Variants in NIPAL3 observed in about 807,000 individuals in gnomAD.
NIPAL3 encodes NIPA like domain containing 3.
Under a neutral mutation model 47.2 loss-of-function variants are expected in NIPAL3, and 41 were observed. The ratio of observed to expected loss-of-function variants is 0.87; its 90% CI spans 0.68 to 1.13. The LOEUF is 1.13. Among genes scored for constraint, NIPAL3 ranks in the 50% most tolerant of loss-of-function variants. The pLI is 0.00. For missense variants in NIPAL3, 449 were observed against 530.1 expected (o/e 0.85, Z 1.50); for synonymous variants, 194 against 209.6 (o/e 0.93, Z 0.64).
chr1:24,463,294 T>A (rs1408665349), intron 10 of NIPAL3, among the ~76,000 whole-genome samples: 1 of 152,164 alleles, frequency 6.6e-6, no homozygotes, highest in Non-Finnish European at 1.5e-5. Context: ...CTTACATGAA[T>A]TAAAGAACAG....
chr1:24,434,084 T>G (rs1270061580), intron 2 of NIPAL3, among the ~76,000 whole-genome samples: 1 of 152,094 alleles, frequency 6.6e-6, no homozygotes, highest in Non-Finnish European at 1.5e-5. Context: ...ATGACAGAAG[T>G]CCTTTCTTAT....
chr1:24,441,431 G>A (rs1645376864), intron 3 of NIPAL3, among the ~76,000 whole-genome samples: 2 of 152,182 alleles, frequency 1.3e-5, no homozygotes, highest in Admixed American at 6.5e-5. Context: ...AAGTCAACAT[G>A]ACTTTCTAGC....
chr1:24,415,723 C>A (rs1268692788), upstream of NIPAL3: 2 of 507,660 alleles, frequency 3.9e-6, no homozygotes, highest in Non-Finnish European at 5.1e-6. Context: ...AAATGCCTGC[C>A]AACTTCTGAC....
At chr1:24,457,517 G>A (rs560059142) in intron 8 of NIPAL3, among the ~76,000 whole-genome samples, 9 of 152,324 alleles carry the variant, frequency 5.9e-5, no homozygotes, top group Admixed American at 3.9e-4. Context: ...CTGCTGGCCC[G>A]GTGTGAGCCC....
intron 6 of NIPAL3, among the ~76,000 whole-genome samples, chr1:24,450,545 C>T (rs1449758873): frequency 1.3e-5 from 2 of 152,146 alleles, no homozygotes; most frequent in Non-Finnish European, 2.9e-5. Flanking sequence ...GATAAAGCTA[C>T]TGGTACGTTC....
At chr1:24,452,407 G>T (rs770476497) in intron 6 of NIPAL3, among the ~76,000 whole-genome samples, 3 of 152,188 alleles carry the variant, frequency 2.0e-5, no homozygotes, top group Non-Finnish European at 4.4e-5. Context: ...TAGAGTTATT[G>T]TGCTGATTTA....
chr1:24,417,392 C>T (rs1644108894), intron 1 of NIPAL3, among the ~76,000 whole-genome samples: 1 of 152,198 alleles, frequency 6.6e-6, no homozygotes, highest in Non-Finnish European at 1.5e-5. Flanking sequence ...CCCTGAGCCA[C>T]TCTTAAGGCT....
rs891972321 is a variant in NIPAL3 at position 24,472,063 on chromosome 1, T to C, written c.*2878T>C. ...TTTAGGCTTGGGCCAGCCAGCTTTC[T>C]TGAGATGAGTGAATAAAAGCGTATT... On this transcript the variant is annotated 3_prime_UTR_variant, in exon 12 of 12. Transcript: ENST00000374399. 2 of 150,872 alleles carry C rather than the reference T, an allele frequency of 1.3e-5. No homozygotes were observed. The highest frequency in any genetic ancestry group is 2.4e-5 in the African/African-American group (1 of 41,050). 9.3% of individuals were successfully genotyped at this position (150,872 alleles called of 1,614,324 possible).
chr1:24,423,486 C>T (rs771722630), intron 2 of NIPAL3, among the ~76,000 whole-genome samples: 4 of 152,106 alleles, frequency 2.6e-5, no homozygotes, highest in Non-Finnish European at 4.4e-5. Flanking sequence ...AAAAATTAGC[C>T]GGGTGCGGTG....
At chr1:24,436,424 C>T (rs1166505095) in intron 2 of NIPAL3, among the ~76,000 whole-genome samples, 1 of 151,932 alleles carries the variant, frequency 6.6e-6, no homozygotes, top group Admixed American at 6.6e-5. Context: ...ATATGCCATT[C>T]CTGGGGTCCC....
chr1:24,434,840 A>G (rs1645027034), intron 2 of NIPAL3, among the ~76,000 whole-genome samples: 1 of 152,194 alleles, frequency 6.6e-6, no homozygotes, highest in Non-Finnish European at 1.5e-5. Context: ...CACGCTCCTA[A>G]ATAACCAACA....
In NIPAL3 at chr1:24,449,418, A is replaced by G; in HGVS notation, c.395-63A>G. 1 of 1,576,520 alleles carries G rather than the reference A, an allele frequency of 6.3e-7. No homozygotes were observed. Among genetic ancestry groups the G allele is most frequent in the South Asian group, 1.1e-5 (1 of 88,008 alleles). On this transcript the variant is annotated intron_variant, in intron 5 of 11. Transcript: ENST00000374399. The surrounding 1 kb of genome is among the most constrained non-coding windows in gnomAD (Gnocchi z 4.5). ...AGAAGCCTGTTTTTTCATGGCTGAG[A>G]ACGTGTACTGTATCTTGGGCCTGTT...
At position 24,472,290 on chromosome 1, in the gene NIPAL3, G is replaced by A. The variant is rs140587873; in HGVS notation, c.*3105G>A. 4 of 152,322 alleles carry A rather than the reference G, an allele frequency of 2.6e-5. No homozygotes were observed. In the East Asian group the frequency reaches 7.7e-4, roughly 29 times the overall value. The allele number at this position is 152,322 out of a possible 1,614,324, so 9.4% of individuals were successfully genotyped here. On this transcript the variant is annotated 3_prime_UTR_variant, in exon 12 of 12. Coordinates refer to ENST00000374399, the MANE Select transcript of NIPAL3 (RefSeq NM_020448.5). ...GTCACTTGAGTAGTCAGGAAGCACA[G>A]TGGGTGTGGAGCCATCATCTGTCTT...
At position 24,472,939 on chromosome 1, in the gene NIPAL3, A is replaced by ACC. The variant is rs969814035; in HGVS notation, c.*3754_*3755insCC. On this transcript the variant is annotated 3_prime_UTR_variant, in exon 12 of 12. Coordinates refer to ENST00000374399, the MANE Select transcript of NIPAL3 (RefSeq NM_020448.5). ...AAAAAAAGTACTAGGTGCAAATAAC[A>ACC]TTATGAAGTGGTATTTAATTAAAAA... 6.6e-6 allele frequency: 1 copy of ACC among 152,132 alleles called. No homozygotes were observed. The highest frequency in any genetic ancestry group is 1.5e-5 in the Non-Finnish European group (1 of 68,028). 9.4% of individuals were successfully genotyped at this position (152,132 alleles called of 1,614,324 possible).
chr1:24,421,194 T>C (rs1644313590), intron 2 of NIPAL3, among the ~76,000 whole-genome samples: 1 of 151,666 alleles, frequency 6.6e-6, no homozygotes, highest in South Asian at 2.1e-4. Flanking sequence ...GTAGGGCACC[T>C]ACCACACAAA....
At chr1:24,459,778 CA>C in intron 9 of NIPAL3, among the ~76,000 whole-genome samples, 1 of 152,322 alleles carries the variant, frequency 6.6e-6, no homozygotes, top group African/African-American at 2.4e-5. Context: ...AAGTCAGGGT[CA>C]AGAAGCTTGG....
intron 2 of NIPAL3, among the ~76,000 whole-genome samples, chr1:24,422,789 C>T (rs1644392250): frequency 6.6e-6 from 1 of 152,338 alleles, no homozygotes; most frequent in South Asian, 2.1e-4. Flanking sequence ...TTACTGTTCG[C>T]ATCCTTGGAG....
At chr1:24,452,853 A>ATTTTTTT (rs3054551) in intron 6 of NIPAL3, among the ~76,000 whole-genome samples, 9 of 124,218 alleles carry the variant, frequency 7.2e-5, no homozygotes, top group Admixed American at 8.5e-5. Context: ...CGCCCAGCTA[A>ATTTTTTT]TTTTTTTTTT....
chr1:24,428,075 A>G (rs926505351), intron 2 of NIPAL3, among the ~76,000 whole-genome samples: 23 of 152,272 alleles, frequency 1.5e-4, no homozygotes, highest in Admixed American at 1.4e-3. Flanking sequence ...CACCGTCTCT[A>G]CTAAAAATAC....
Sources: gnomAD v4.1 joint callset for allele counts (sites outside exome capture counted in the v4.1 genomes callset) on GRCh38, gnomAD v4.1.1 for gene constraint, Gnocchi (gnomAD v3.1) non-coding constraint, MANE v1.5 for transcripts, NCBI Gene and HGNC (gene_info 2026-07-23, HGNC 2026-07-21) for gene names.